The following EGFLAM variants were observed in gnomAD, a reference collection of about 807,000 sequenced individuals.
EGFLAM encodes the protein EGF like, fibronectin type III and laminin G domains.
Under a neutral mutation model 113.1 loss-of-function variants are expected in EGFLAM, and 79 were observed. That is an observed-to-expected ratio of 0.70 (90% confidence interval 0.58 to 0.84). The LOEUF (loss-of-function observed/expected upper bound fraction) is 0.84. Ranked by LOEUF, EGFLAM falls within the 40% of genes least tolerant of loss-of-function variation. EGFLAM has a pLI of 0.00. For synonymous variants in EGFLAM, 504 were observed against 487.6 expected (o/e 1.03, Z -0.44); for missense variants, 1,265 against 1,291.6 (o/e 0.98, Z 0.32).
intron 1 of EGFLAM, among the ~76,000 whole-genome samples, chr5:38,289,274 C>A (rs548549100): frequency 6.7e-6 from 1 of 148,730 alleles, no homozygotes; most frequent in South Asian, 2.1e-4. Flanking sequence ...TTTCTTTCCC[C>A]GCCCCCACAT....
chr5:38,370,240 C>A, intron 5 of EGFLAM, 56 bp from the exon 6 acceptor site: 1 of 1,569,952 alleles, frequency 6.4e-7, no homozygotes, highest in East Asian at 2.3e-5. Flanking sequence ...CAGCTAGCTT[C>A]CCTTCCCTCT....
intron 1 of EGFLAM, among the ~76,000 whole-genome samples, chr5:38,324,129 T>G (rs1217109116): frequency 6.6e-6 from 1 of 151,942 alleles, no homozygotes; most frequent in Non-Finnish European, 1.5e-5. Context: ...GAGGAAAGCC[T>G]TGGGTGGTTT....
intron 11 of EGFLAM, among the ~76,000 whole-genome samples, chr5:38,415,620 G>A (rs1741616779): frequency 6.6e-6 from 1 of 152,194 alleles, no homozygotes; most frequent in Non-Finnish European, 1.5e-5. Flanking sequence ...CCTGCAGTGA[G>A]CCATGTTTGA....
chr5:38,334,204 G>A (rs765700730), intron 1 of EGFLAM, among the ~76,000 whole-genome samples: 9 of 152,270 alleles, frequency 5.9e-5, no homozygotes, highest in East Asian at 1.9e-4. Context: ...GATTACAGGC[G>A]TGAGCCACCA....
rs562630652 is a variant in EGFLAM at position 38,465,213 on chromosome 5, T to G, written c.*1227T>G. On this transcript the variant is annotated 3_prime_UTR_variant, in exon 22 of 22. Transcript: ENST00000322350. The stretch of plus-strand genomic sequence containing the variant: ...CCTTCTGTACCATGAGCTGTGTCCC[T>G]TTACTATGCAAGCACATGACCCCAG... 6.6e-6 allele frequency among the ~76,000 whole-genome samples: 1 copy of G among 152,256 alleles called. No individual in the cohort carries two copies. Among genetic ancestry groups the G allele is most frequent in the South Asian group, 2.1e-4 (1 of 4,818 alleles).
chr5:38,346,796 C>A (rs1739482717), intron 3 of EGFLAM, among the ~76,000 whole-genome samples: 1 of 152,168 alleles, frequency 6.6e-6, no homozygotes, highest in East Asian at 1.9e-4. Context: ...GGGTTGGATC[C>A]ACCTGTTGCC....
intron 3 of EGFLAM, among the ~76,000 whole-genome samples, chr5:38,344,781 A>G (rs1432645018): frequency 6.6e-6 from 1 of 152,126 alleles, no homozygotes; most frequent in African/African-American, 2.4e-5. Flanking sequence ...TGCCACATCC[A>G]CACTCTAGCC....
intron 16 of EGFLAM, among the ~76,000 whole-genome samples, chr5:38,436,216 G>C (rs1462975772): frequency 1.3e-5 from 2 of 152,156 alleles, no homozygotes; most frequent in South Asian, 2.1e-4. Flanking sequence ...CCCAGCCCAG[G>C]TGGGCAGAAC....
At chr5:38,427,664 G>A (rs1176977371) in intron 14 of EGFLAM, among the ~76,000 whole-genome samples, 1 of 152,132 alleles carries the variant, frequency 6.6e-6, no homozygotes, top group Non-Finnish European at 1.5e-5. Flanking sequence ...TAGTAAAAAA[G>A]TATTAACAAA....
At chr5:38,368,644 G>A (rs972614710) in intron 5 of EGFLAM, among the ~76,000 whole-genome samples, 1 of 152,148 alleles carries the variant, frequency 6.6e-6, no homozygotes, top group African/African-American at 2.4e-5. Flanking sequence ...GTGAGCAGAG[G>A]TGTTTAACAA....
chr5:38,372,402 A>G (rs1327708196), intron 6 of EGFLAM, among the ~76,000 whole-genome samples: 2 of 151,498 alleles, frequency 1.3e-5, no homozygotes, highest in African/African-American at 4.9e-5. Flanking sequence ...CTTGTGATCC[A>G]CCCTCCTTGG....
chr5:38,437,798 C>G (rs1201214851), intron 16 of EGFLAM, among the ~76,000 whole-genome samples: 2 of 152,154 alleles, frequency 1.3e-5, no homozygotes, highest in Non-Finnish European at 2.9e-5. Flanking sequence ...CTTGGGATCA[C>G]TTCAGCTCCT....
chr5:38,427,806 G>T (rs1742065517), intron 14 of EGFLAM, among the ~76,000 whole-genome samples: 1 of 152,184 alleles, frequency 6.6e-6, no homozygotes, highest in Non-Finnish European at 1.5e-5. Flanking sequence ...ATATGCTCAA[G>T]AAAGATGTGT....
intron 1 of EGFLAM, chr5:38,285,854 A>G (rs945400396): frequency 6.6e-6 from 1 of 152,126 alleles, no homozygotes; most frequent in Non-Finnish European, 1.5e-5. Context: ...CCAGAACAGC[A>G]TTGGGGCACC....
At chr5:38,325,595 C>T (rs1738858654) in intron 1 of EGFLAM, among the ~76,000 whole-genome samples, 1 of 152,238 alleles carries the variant, frequency 6.6e-6, no homozygotes, top group Non-Finnish European at 1.5e-5. Flanking sequence ...ACCTCCCTCT[C>T]TCTGTCCTCT....
chr5:38,407,851 G>T lies in EGFLAM; in HGVS notation c.1194G>T (p.Thr398=). The change falls in exon 9 of 22, where the codon ACG becomes ACT. Residue 398 remains threonine (T), a synonymous_variant. Transcript: ENST00000322350. ...AGTTCTTTGGCCACTCCTATGTAAC[G>T]TTTGAACCTCTGAAGAATTCTTATC... The part of the protein sequence containing the change: ...YPQFFGHSYV[T]FEPLKNSYQA... 6.2e-7 allele frequency: 1 copy of T among 1,613,818 alleles called. No homozygotes were observed. Among genetic ancestry groups the T allele is most frequent in the South Asian group, 1.1e-5 (1 of 91,058 alleles).
intron 1 of EGFLAM, among the ~76,000 whole-genome samples, chr5:38,322,894 G>C (rs1738778684): frequency 6.6e-6 from 1 of 152,198 alleles, no homozygotes; most frequent in Non-Finnish European, 1.5e-5. Context: ...CAGGTAACTA[G>C]AACAAACACT....
intron 1 of EGFLAM, among the ~76,000 whole-genome samples, chr5:38,292,879 G>A (rs542795114): frequency 3.9e-5 from 6 of 152,204 alleles, no homozygotes; most frequent in African/African-American, 1.4e-4. Context: ...GTTTCTATGG[G>A]GAACCATTAA....
Position 38,425,077 on chromosome 5 carries a change from C to T in EGFLAM, c.1795C>T (p.Arg599Ter). 3.1e-6 allele frequency: 5 copies of T among 1,613,684 alleles called. No homozygotes were observed. Among genetic ancestry groups the T allele is most frequent in the South Asian group, 1.1e-5 (1 of 91,012 alleles). ...CCTCTGTCCCCTTGGGTTTAAAGGT[C>T]GACACTGTGAAGATGGTGAGAAAGA... ...ICLCPLGFKG[R>*]HCEDAFTLTI... The change falls in exon 13 of 22, where the codon CGA becomes TGA. Residue 599 changes from arginine to a stop codon, truncating the protein, a stop_gained. Transcript: ENST00000322350. LOFTEE classifies it high-confidence loss of function.
Sources: allele counts gnomAD v4.1 joint callset (sites outside exome capture counted in the v4.1 genomes callset), GRCh38; gene constraint gnomAD v4.1.1; transcripts MANE v1.5; gene names NCBI Gene and HGNC (gene_info 2026-07-23, HGNC 2026-07-21).